RHEX: variants seen among roughly 807,000 people sequenced by gnomAD.
RHEX encodes the protein regulator of hemoglobinization and erythroid cell expansion.
A neutral mutation model predicts 20.1 loss-of-function variants in RHEX; 18 were observed. The ratio of observed to expected loss-of-function variants is 0.90; its 90% CI spans 0.62 to 1.33. The LOEUF (loss-of-function observed/expected upper bound fraction) is 1.33. Ranked by LOEUF, RHEX falls within the 40% of genes most tolerant of loss-of-function variation. The pLI is 0.00. For missense variants in RHEX, 192 were observed against 214.3 expected, an observed-to-expected ratio of 0.90 and a Z score of 0.65; for synonymous variants, 87 against 77.1, an observed-to-expected ratio of 1.13 and a Z score of -0.67.
intron 1 of RHEX, among the ~76,000 whole-genome samples, chr1:206,077,790 G>A (rs528888134): frequency 1.8e-4 from 28 of 152,310 alleles, no homozygotes; most frequent in South Asian, 8.3e-4. Context: ...GAGATGCTAC[G>A]TAGTTGCTTA....
intron 1 of RHEX, among the ~76,000 whole-genome samples, chr1:206,073,033 T>C (rs534968106): frequency 6.6e-6 from 1 of 152,118 alleles, no homozygotes; most frequent in East Asian, 1.9e-4. Context: ...AGACAGGGTT[T>C]CGCCATATTC....
At chr1:206,056,963 C>T (rs547686993) in intron 1 of RHEX, among the ~76,000 whole-genome samples, 69 of 152,342 alleles carry the variant, frequency 4.5e-4, no homozygotes, top group African/African-American at 1.6e-3. Context: ...TGAGTGGGAG[C>T]TGCAACCTTT....
At chr1:206,074,468 T>C (rs1276489946) in intron 1 of RHEX, among the ~76,000 whole-genome samples, 1 of 152,230 alleles carries the variant, frequency 6.6e-6, no homozygotes, top group Non-Finnish European at 1.5e-5. Flanking sequence ...TTTTATATGA[T>C]TCTTTTTAAT....
chr1:206,061,683 G>A (rs1662313219), intron 1 of RHEX: 1 of 152,270 alleles, frequency 6.6e-6, no homozygotes, highest in Non-Finnish European at 1.5e-5. Flanking sequence ...CCATGCTGAT[G>A]CCATATATTC....
At chr1:206,077,090 A>G (rs1571862743) in intron 1 of RHEX, among the ~76,000 whole-genome samples, 1 of 152,276 alleles carries the variant, frequency 6.6e-6, no homozygotes, top group East Asian at 1.9e-4. Context: ...ACTCCCTACT[A>G]CATGCAAACA....
At chr1:206,094,276 C>A (rs1321923011) in intron 1 of RHEX, among the ~76,000 whole-genome samples, 1 of 151,996 alleles carries the variant, frequency 6.6e-6, no homozygotes, top group South Asian at 2.1e-4. Flanking sequence ...CAAGGAACAA[C>A]CTGCTCATTG....
At chr1:206,083,442 C>T (rs1256740743) in intron 1 of RHEX, 1 of 952,500 alleles carries the variant, frequency 1.0e-6, no homozygotes, top group Non-Finnish European at 1.2e-6. Context: ...GGCATTATCT[C>T]TCCCTTCACC....
chr1:206,099,025 G>C (rs1478443883), intron 3 of RHEX, among the ~76,000 whole-genome samples: 3 of 152,180 alleles, frequency 2.0e-5, no homozygotes, highest in Non-Finnish European at 2.9e-5. Context: ...AGTGAGGCGT[G>C]AACTCTACCT....
chr1:206,097,977 C>A (rs886219538), intron 2 of RHEX, 104 bp from the exon 3 acceptor site: 11 of 1,171,376 alleles, frequency 9.4e-6, no homozygotes, highest in Non-Finnish European at 1.4e-5. Context: ...CCCTGGGACA[C>A]GCAGCAATGC....
chr1:206,077,360 A>G (rs1477429205), intron 1 of RHEX, among the ~76,000 whole-genome samples: 5 of 152,234 alleles, frequency 3.3e-5, no homozygotes, highest in African/African-American at 4.8e-5. Context: ...CATTCTTGGG[A>G]CTACAGCTCT....
At chr1:206,066,765 CTT>C (rs1452437558) in intron 1 of RHEX, among the ~76,000 whole-genome samples, 1 of 152,110 alleles carries the variant, frequency 6.6e-6, no homozygotes, top group Non-Finnish European at 1.5e-5. Flanking sequence ...ATAGGACAAT[CTT>C]ATAAATATTT....
intron 1 of RHEX, among the ~76,000 whole-genome samples, chr1:206,060,027 AAGAATGGT>A (rs1272308151): frequency 6.6e-6 from 1 of 152,118 alleles, no homozygotes; most frequent in African/African-American, 2.4e-5. Context: ...AACCCTTGGT[AAGAATGGT>A]AGAGCTCTGG....
At chr1:206,060,027 A>T (rs1332295773) in intron 1 of RHEX, among the ~76,000 whole-genome samples, 5 of 152,118 alleles carry the variant, frequency 3.3e-5, no homozygotes, top group Admixed American at 6.5e-5. Flanking sequence ...AACCCTTGGT[A>T]AGAATGGTAG....
At chr1:206,099,589 G>T in intron 3 of RHEX, 66 bp from the exon 4 acceptor site, 1 of 1,521,428 alleles carries the variant, frequency 6.6e-7, no homozygotes, top group Non-Finnish European at 9.0e-7. Flanking sequence ...AAATTGCTGG[G>T]ATTACAGGCA....
At chr1:206,082,582 T>C (rs1662761178) in intron 1 of RHEX, among the ~76,000 whole-genome samples, 1 of 152,130 alleles carries the variant, frequency 6.6e-6, no homozygotes, top group African/African-American at 2.4e-5. Context: ...TTCTGTTAAG[T>C]GCTTCACTTA....
At chr1:206,064,406 G>A (rs1270746435) in intron 1 of RHEX, among the ~76,000 whole-genome samples, 42 of 115,644 alleles carry the variant, frequency 3.6e-4, no homozygotes, top group African/African-American at 4.9e-4. Flanking sequence ...TCAGCCCCCC[G>A]CCCGGCCAGC....
At chr1:206,088,061 A>G (rs1553286592) in intron 1 of RHEX, among the ~76,000 whole-genome samples, 1 of 152,202 alleles carries the variant, frequency 6.6e-6, no homozygotes, top group Non-Finnish European at 1.5e-5. Context: ...TCAAGGGTGC[A>G]GTGAGCTTTG....
chr1:206,082,490 C>A (rs1402351509), intron 1 of RHEX, among the ~76,000 whole-genome samples: 1 of 151,614 alleles, frequency 6.6e-6, no homozygotes, highest in African/African-American at 2.4e-5. Flanking sequence ...GGCACTCCAG[C>A]CTGGGCAACA....
intron 1 of RHEX, among the ~76,000 whole-genome samples, chr1:206,071,226 A>C (rs1470772075): frequency 6.6e-6 from 1 of 152,196 alleles, no homozygotes; most frequent in Non-Finnish European, 1.5e-5. Context: ...TCTAATGTTC[A>C]AGGGCAGGAA....
Sources: gnomAD v4.1 joint callset for allele counts (sites outside exome capture counted in the v4.1 genomes callset) on GRCh38, gnomAD v4.1.1 for gene constraint, MANE v1.5 for transcripts, NCBI Gene and HGNC (gene_info 2026-07-23, HGNC 2026-07-21) for gene names.